ARMC2: variants seen among roughly 807,000 people sequenced by gnomAD.
ARMC2 encodes the protein armadillo repeat-containing protein 2.
ARMC2 carries 67 observed loss-of-function variants against 90.3 expected under a neutral mutation model. That is an observed-to-expected ratio of 0.74 (90% CI 0.61 to 0.91). The LOEUF (loss-of-function observed/expected upper bound fraction) is 0.91. Among genes scored for constraint, ARMC2 ranks in the 40% least tolerant of loss-of-function variants. The probability of loss-of-function intolerance (pLI) is 0.00; values close to 1 mark genes in which losing one functional copy is unlikely to be tolerated. For missense variants in ARMC2, 920 were observed against 1,030.9 expected (o/e 0.89, Z 1.47); for synonymous variants, 393 against 393.0 (o/e 1.00, Z 0.00).
chr6:109,016,072 T>A, the ARMC2 span, among the ~76,000 whole-genome samples: 15 of 152,326 alleles, frequency 9.8e-5, no homozygotes, highest in Non-Finnish European at 1.3e-4. Flanking sequence ...ACAGACTTAA[T>A]GGAACTGAAC....
the ARMC2 span, among the ~76,000 whole-genome samples, chr6:109,020,796 C>T: frequency 1.3e-5 from 2 of 152,292 alleles, no homozygotes; most frequent in Admixed American, 6.5e-5. Context: ...CAGTTTTCTT[C>T]ATTTTGCTTC....
In ARMC2 at chr6:108,904,336, G is replaced by C. The variant is rs1170243432; in HGVS notation, c.954G>C (p.Lys318Asn). The change falls in exon 8 of 18, where the codon AAG becomes AAC. Residue 318 changes from lysine to asparagine, a missense_variant. By Grantham distance (94) the Lys-to-Asn change is moderately conservative. Coordinates refer to ENST00000392644, the MANE Select transcript of ARMC2 (RefSeq NM_032131.6). Reference protein sequence around the residue: ...NKFKGRSILLKTLCKLVDVGS... With the variant: ...NKFKGRSILLNTLCKLVDVGS... ...TTAAGGGAAGAAGTATTCTCCTGAA[G>C]ACCCTGTGTAAACTAGTTGATGTTG... is the stretch of plus-strand genomic sequence containing the variant. 6.2e-7 allele frequency: 1 copy of C among 1,613,712 alleles called. No individual in the cohort carries two copies. The highest frequency in any genetic ancestry group is 1.3e-5 in the African/African-American group (1 of 74,906).
At chr6:108,966,656 A>T (rs1409914474) in intron 17 of ARMC2, among the ~76,000 whole-genome samples, 1 of 152,188 alleles carries the variant, frequency 6.6e-6, no homozygotes, top group Non-Finnish European at 1.5e-5. Flanking sequence ...TGAGGTTCAC[A>T]GTCGGCTCCA....
chr6:108,876,349 G>T lies in ARMC2; in HGVS notation c.670G>T (p.Gly224Trp). 6.2e-7 allele frequency: 1 copy of T among 1,609,096 alleles called. No homozygotes were observed. Among genetic ancestry groups the T allele is most frequent in the South Asian group, 1.1e-5 (1 of 89,750 alleles). ...TTTACCATCTCATCTCAAGAATGGA[G>T]GGTCAGTATTCTTTTTATTTAATTT... ...TSLPSHLKNG[G>W]DQGKRHARAS... The change falls in exon 5 of 18, where the codon GGG becomes TGG. Residue 224 changes from glycine to tryptophan, a missense_variant and splice_region_variant. By Grantham distance (184) the Gly-to-Trp change is radical. Transcript: ENST00000392644.
chr6:109,022,477 C>T, the ARMC2 span, among the ~76,000 whole-genome samples: 1 of 120,188 alleles, frequency 8.3e-6, no homozygotes, highest in Non-Finnish European at 1.6e-5. Flanking sequence ...GGCTGGAGTG[C>T]AGTGGCGCGA....
At chr6:108,917,974 C>G (rs1774142928) in intron 10 of ARMC2, among the ~76,000 whole-genome samples, 1 of 152,180 alleles carries the variant, frequency 6.6e-6, no homozygotes, top group Non-Finnish European at 1.5e-5. Context: ...AGCTACTGCT[C>G]CCGGCCGAAA....
At chr6:108,901,257 G>A (rs1397676408) in intron 7 of ARMC2, among the ~76,000 whole-genome samples, 5 of 150,800 alleles carry the variant, frequency 3.3e-5, no homozygotes, top group African/African-American at 1.2e-4. Context: ...GGGACTATAG[G>A]CACCCGCCAC....
chr6:108,894,987 C>T (rs890341355), intron 6 of ARMC2, among the ~76,000 whole-genome samples: 26 of 150,908 alleles, frequency 1.7e-4, no homozygotes, highest in African/African-American at 6.3e-4. Flanking sequence ...AGGATGGTCT[C>T]AATCTCCTGA....
the ARMC2 span, among the ~76,000 whole-genome samples, chr6:109,024,290 C>G: frequency 6.6e-6 from 1 of 151,990 alleles, no homozygotes; most frequent in South Asian, 2.1e-4. Context: ...CTTATTAGGG[C>G]ATAGGGACTA....
intron 8 of ARMC2, chr6:108,907,502 T>C (rs1772889682): frequency 1.5e-6 from 1 of 652,742 alleles, no homozygotes; most frequent in Admixed American, 3.9e-5. Flanking sequence ...ATTTGGAGGT[T>C]AATTGCCATT....
At chr6:108,907,752 C>T in intron 8 of ARMC2, 2 of 1,610,866 alleles carry the variant, frequency 1.2e-6, no homozygotes, top group Non-Finnish European at 1.7e-6. Context: ...CAGTAGTAAC[C>T]TCTTTGAAAC....
chr6:109,043,506 A>C, the ARMC2 span, among the ~76,000 whole-genome samples: 1 of 152,208 alleles, frequency 6.6e-6, no homozygotes, highest in Non-Finnish European at 1.5e-5. Context: ...TCCTAGAACT[A>C]ATAAGGGAGT....
rs151182810 is a variant in ARMC2 at position 108,863,956 on chromosome 6, T to C, written c.292-4868T>C. On this transcript the variant is annotated intron_variant, in intron 3 of 17. Transcript: ENST00000392644. ...CGTGGATTAGTTTGAGCCACATAAC[T>C]GAGCTCCAGGTAATTGATAAGTGAA... 4.1e-3 allele frequency among the ~76,000 whole-genome samples: 619 copies of C among 152,348 alleles called. 2 individuals are homozygous for C. The highest frequency in any genetic ancestry group is 0.014 in the African/African-American group (580 of 41,580).
the ARMC2 span, among the ~76,000 whole-genome samples, chr6:109,010,198 C>T: frequency 1.3e-5 from 2 of 152,106 alleles, no homozygotes; most frequent in Non-Finnish European, 1.5e-5. Context: ...TTCATAAGCG[C>T]CCTCCCTGGG....
chr6:108,904,497 A>G (rs1772468899), intron 8 of ARMC2, 92 bp downstream of exon 8: 1 of 1,215,612 alleles, frequency 8.2e-7, no homozygotes, highest in Admixed American at 3.2e-5. Flanking sequence ...AATATTAGAA[A>G]TGCAGTGTAT....
At chr6:108,963,593 G>A (rs1352206775) in intron 15 of ARMC2, among the ~76,000 whole-genome samples, 1 of 152,178 alleles carries the variant, frequency 6.6e-6, no homozygotes, top group East Asian at 1.9e-4. Context: ...CGTCTGCTGA[G>A]GGATGAGAAA....
In ARMC2 at chr6:108,953,254, G is replaced by A. The variant is rs1401372279; in HGVS notation, c.1818G>A (p.Lys606=). The stretch of plus-strand genomic sequence containing the variant: ...CAGAGGCAGAGGACGTGCTCATCAA[G>A]CTGACTCGTGTGCTGGCCAACATTG... The part of the protein sequence containing the change: ...PPSEAEDVLI[K]LTRVLANIAI... The change falls in exon 13 of 18, where the codon AAG becomes AAA. Residue 606 remains lysine (K), a synonymous_variant. Coordinates refer to ENST00000392644, the MANE Select transcript of ARMC2 (RefSeq NM_032131.6). The A allele has an allele frequency of 6.2e-7, 1 of 1,613,428 alleles. No individual in the cohort carries two copies. Among genetic ancestry groups the A allele is most frequent in the Non-Finnish European group, 8.5e-7 (1 of 1,179,900 alleles).
At chr6:108,959,455 G>A (rs1777829730) in intron 13 of ARMC2, 1 of 152,288 alleles carries the variant, frequency 6.6e-6, no homozygotes, top group African/African-American at 2.4e-5. Flanking sequence ...GGCAAGTCAT[G>A]AGCCAAGTTG....
chr6:108,985,991 C>T, the ARMC2 span, among the ~76,000 whole-genome samples: 2 of 152,084 alleles, frequency 1.3e-5, no homozygotes, highest in Non-Finnish European at 2.9e-5. Flanking sequence ...TGATCCTTCC[C>T]AACCCCTACT....
Sources: gnomAD v4.1 joint callset for allele counts (sites outside exome capture counted in the v4.1 genomes callset) on GRCh38, gnomAD v4.1.1 for gene constraint, MANE v1.5 for transcripts, NCBI Gene and HGNC (gene_info 2026-07-23, HGNC 2026-07-21) for gene names.